CSMD1: variants seen among roughly 807,000 people sequenced by gnomAD.
CSMD1 encodes the protein CUB and Sushi multiple domains 1.
CSMD1 carries 213 observed loss-of-function variants against 417.5 expected under a neutral mutation model. That is an observed-to-expected ratio of 0.51 (90% CI 0.46 to 0.57). The LOEUF is 0.57. Ranked by LOEUF, CSMD1 falls within the 20% of genes least tolerant of loss-of-function variation. CSMD1 has a pLI of 0.00. For synonymous variants in CSMD1, 2,862 were observed against 1,736.8 expected, an observed-to-expected ratio of 1.65 and a Z score of -16.11; for missense variants, 6,923 against 4,529.7, an observed-to-expected ratio of 1.53 and a Z score of -15.17.
chr8:2,980,709 T>G (rs572541675), intron 54 of CSMD1, among the ~76,000 whole-genome samples: 1 of 152,158 alleles, frequency 6.6e-6, no homozygotes, highest in Non-Finnish European at 1.5e-5. Flanking sequence ...AGGACTAAAA[T>G]TCTCTTTAAG....
rs529006722 is a variant in CSMD1 at position 3,452,920 on chromosome 8, G to C, written c.1561+15792C>G. Reference sequence around the variant, plus strand: ...CCAGCTCCTCCTTGTATCTCTGGTAGAATTCGGCTGTGAATCCATCCGTTT... The same window carrying C: ...CCAGCTCCTCCTTGTATCTCTGGTACAATTCGGCTGTGAATCCATCCGTTT... On this transcript the variant is annotated intron_variant, in intron 12 of 69. Coordinates refer to ENST00000635120, the MANE Select transcript of CSMD1 (RefSeq NM_033225.6). Among the ~76,000 whole-genome samples, 4 of 152,298 alleles carry C rather than the reference G, an allele frequency of 2.6e-5. No individual in the cohort carries two copies. In the East Asian group the frequency reaches 5.8e-4, roughly 22 times the overall value.
At chr8:4,317,920 T>G (rs112996904) in intron 3 of CSMD1, among the ~76,000 whole-genome samples, 2 of 152,204 alleles carry the variant, frequency 1.3e-5, no homozygotes, top group Non-Finnish European at 2.9e-5. Flanking sequence ...GAACAAAATG[T>G]CAAGAATGAT....
chr8:3,504,597 C>G (rs147211230), intron 10 of CSMD1, among the ~76,000 whole-genome samples: 1 of 152,268 alleles, frequency 6.6e-6, no homozygotes, highest in South Asian at 2.1e-4. Flanking sequence ...TCTCACGAGT[C>G]TTTATAACCA....
chr8:4,559,286 T>C (rs1414278804), intron 2 of CSMD1, among the ~76,000 whole-genome samples: 1 of 152,190 alleles, frequency 6.6e-6, no homozygotes, highest in East Asian at 1.9e-4. Flanking sequence ...GTGTAAATAA[T>C]AACAGTTTAG....
chr8:3,469,762 G>A (rs1304797857), intron 11 of CSMD1, among the ~76,000 whole-genome samples: 2 of 152,136 alleles, frequency 1.3e-5, no homozygotes, highest in Non-Finnish European at 2.9e-5. Flanking sequence ...CAGAGCACCG[G>A]ATTCTTCAAA....
chr8:3,187,633 C>T (rs1796141414), intron 36 of CSMD1, among the ~76,000 whole-genome samples: 1 of 152,174 alleles, frequency 6.6e-6, no homozygotes, highest in African/African-American at 2.4e-5. Flanking sequence ...CATGTCAAAG[C>T]TCTGCTATCT....
chr8:4,686,253 A>T (rs1039936919), intron 1 of CSMD1, among the ~76,000 whole-genome samples: 4 of 152,216 alleles, frequency 2.6e-5, no homozygotes, highest in African/African-American at 9.6e-5. Context: ...CTTGCCAAGC[A>T]CGAGAGTGAA....
chr8:4,422,496 T>TG (rs1797305910), intron 2 of CSMD1, among the ~76,000 whole-genome samples: 1 of 152,112 alleles, frequency 6.6e-6, no homozygotes, highest in Non-Finnish European at 1.5e-5. Flanking sequence ...CCTTTCTCCC[T>TG]GGACACATAC....
chr8:3,705,480 G>T (rs1801116426), intron 7 of CSMD1, among the ~76,000 whole-genome samples: 1 of 152,194 alleles, frequency 6.6e-6, no homozygotes, highest in African/African-American at 2.4e-5. Flanking sequence ...ACTCTACAGT[G>T]AACAGATAAT....
rs1025976326 is a variant in CSMD1, at chr8:3,005,657, C to T, written c.8030-5526G>A. Among the ~76,000 whole-genome samples, 17 of 152,214 alleles carry T rather than the reference C, an allele frequency of 1.1e-4. No homozygotes were observed. The South Asian group carries it at 3.5e-3, about 32-fold the overall frequency. ...AATGTAATCCAGCATATAAACAGAG[C>T]CAAAGACAAAAACCACATGATTATC... On this transcript the variant is annotated intron_variant, in intron 52 of 69. Transcript: ENST00000635120.
Position 4,799,183 on chromosome 8 carries a change from C to T in CSMD1, c.86-161625G>A, listed in dbSNP as rs1465904181. Among the ~76,000 whole-genome samples, 3 of 152,058 alleles carry T rather than the reference C, an allele frequency of 2.0e-5. No homozygotes were observed. The South Asian group carries it at 6.2e-4, about 31-fold the overall frequency. On this transcript the variant is annotated intron_variant, in intron 1 of 69. Transcript: ENST00000635120. ...ACATAAAGTCACTACATGACAGGCA[C>T]TCACAAGGGAATAAGAAAAAATGTT...
At chr8:4,375,834 A>G (rs1381078749) in intron 3 of CSMD1, among the ~76,000 whole-genome samples, 1 of 152,034 alleles carries the variant, frequency 6.6e-6, no homozygotes, top group African/African-American at 2.4e-5. Flanking sequence ...TTAAGCCAAA[A>G]CAGACTTCAC....
At chr8:3,989,306 T>A (rs1585088658) in intron 5 of CSMD1, among the ~76,000 whole-genome samples, 1 of 152,158 alleles carries the variant, frequency 6.6e-6, no homozygotes, top group Non-Finnish European at 1.5e-5. Context: ...ACAGCCTAAG[T>A]CTCACTCAAA....
At chr8:4,495,488 T>A (rs1801934980) in intron 2 of CSMD1, among the ~76,000 whole-genome samples, 1 of 152,058 alleles carries the variant, frequency 6.6e-6, no homozygotes, top group Non-Finnish European at 1.5e-5. Flanking sequence ...AGTAGGAGAA[T>A]TGCTTGAACT....
intron 1 of CSMD1, among the ~76,000 whole-genome samples, chr8:4,899,029 C>G (rs1489028202): frequency 6.6e-6 from 1 of 152,080 alleles, no homozygotes; most frequent in African/African-American, 2.4e-5. Context: ...TAAACACAAT[C>G]GACTCCTTTG....
intron 3 of CSMD1, among the ~76,000 whole-genome samples, chr8:4,157,184 T>C (rs1235129826): frequency 6.6e-6 from 1 of 152,130 alleles, no homozygotes; most frequent in Non-Finnish European, 1.5e-5. Context: ...TTGGGACAAG[T>C]GACGATGTAT....
At position 3,426,726 on chromosome 8, in the gene CSMD1, T is replaced by C. The variant is rs1469385073; in HGVS notation, c.1562-17121A>G. Among the ~76,000 whole-genome samples the C allele has an allele frequency of 4.6e-5, 7 of 152,362 alleles. No homozygotes were observed. In the East Asian group the frequency reaches 9.6e-4, roughly 21 times the overall value. The stretch of plus-strand genomic sequence containing the variant: ...AGTCAAATTATTGTGCTAAACTTTA[T>C]AGTTTACTAAAATGTAGGCCTGACA... On this transcript the variant is annotated intron_variant, in intron 12 of 69. Transcript: ENST00000635120.
chr8:4,903,099 T>C (rs967524109), intron 1 of CSMD1, among the ~76,000 whole-genome samples: 1 of 152,144 alleles, frequency 6.6e-6, no homozygotes, highest in Admixed American at 6.5e-5. Context: ...CATACACTGT[T>C]CCACTGATAT....
At chr8:4,118,767 G>A (rs371488875) in intron 3 of CSMD1, among the ~76,000 whole-genome samples, 7 of 152,176 alleles carry the variant, frequency 4.6e-5, no homozygotes, top group African/African-American at 1.2e-4. Flanking sequence ...AATATGAATC[G>A]TTCTACTATA....
Sources: allele counts gnomAD v4.1 joint callset (sites outside exome capture counted in the v4.1 genomes callset), GRCh38; gene constraint gnomAD v4.1.1; transcripts MANE v1.5; gene names NCBI Gene and HGNC (gene_info 2026-07-23, HGNC 2026-07-21).